PMS1: variants seen among roughly 807,000 people sequenced by gnomAD.
PMS1 encodes PMS1 protein homolog 1.
PMS1 carries 79 observed loss-of-function variants against 93.1 expected under a neutral mutation model. That is an observed-to-expected ratio of 0.85 (90% CI 0.71 to 1.02). PMS1 has a LOEUF of 1.02. Among genes scored for constraint, PMS1 ranks in the 50% least tolerant of loss-of-function variants. The pLI is 0.00. For missense variants in PMS1, 1,064 were observed against 1,085.3 expected, an observed-to-expected ratio of 0.98 and a Z score of 0.28; for synonymous variants, 335 against 363.4, an observed-to-expected ratio of 0.92 and a Z score of 0.89.
intron 5 of PMS1, among the ~76,000 whole-genome samples, chr2:189,839,028 G>T (rs1021340943): frequency 1.3e-5 from 2 of 151,556 alleles, no homozygotes; most frequent in South Asian, 2.1e-4. Flanking sequence ...CTCTCTCTCT[G>T]TTGCCCACAT....
chr2:189,866,141 G>A (rs1282264576), intron 10 of PMS1, among the ~76,000 whole-genome samples: 1 of 152,136 alleles, frequency 6.6e-6, no homozygotes, highest in Non-Finnish European at 1.5e-5. Context: ...ATCTGATGGT[G>A]CTTTTCTCTT....
chr2:189,820,568 G>A (rs1249175908), intron 5 of PMS1, among the ~76,000 whole-genome samples: 10 of 151,934 alleles, frequency 6.6e-5, no homozygotes, highest in Non-Finnish European at 8.8e-5. Context: ...AGCAATACAC[G>A]CTCCCAAAGT....
intron 6 of PMS1, among the ~76,000 whole-genome samples, chr2:189,847,276 G>A (rs2054334642): frequency 6.6e-6 from 1 of 151,750 alleles, no homozygotes; most frequent in African/African-American, 2.4e-5. Context: ...GAATCTGAAG[G>A]GTCATTTCTT....
intron 5 of PMS1, among the ~76,000 whole-genome samples, chr2:189,821,487 G>A (rs2051878521): frequency 6.7e-6 from 1 of 148,168 alleles, no homozygotes; most frequent in Admixed American, 6.8e-5. Context: ...AAAAGTGAGT[G>A]GAAGAGAAAT....
chr2:189,804,468 T>G (rs868833140), intron 3 of PMS1, among the ~76,000 whole-genome samples: 5 of 152,190 alleles, frequency 3.3e-5, no homozygotes, highest in Admixed American at 6.5e-5. Flanking sequence ...GGGGATAGTA[T>G]CACAGTAATA....
Position 189,823,870 on chromosome 2 carries a change from A to G in PMS1, c.582+5690A>G, listed in dbSNP as rs550634383. Among the ~76,000 whole-genome samples, 3 of 152,366 alleles carry G rather than the reference A, an allele frequency of 2.0e-5. No individual in the cohort carries two copies. The East Asian group carries it at 5.8e-4, about 29-fold the overall frequency. ...TTTCCCACATATAAAGTCAGGCTGG[A>G]TAAATTAGTTATTATAACTAAACAC... is the stretch of plus-strand genomic sequence containing the variant. On this transcript the variant is annotated intron_variant, in intron 5 of 12. Transcript: ENST00000441310.
rs2055084884 is a variant in PMS1, at chr2:189,854,232, T to G, written c.967-7T>G. 6.3e-7 allele frequency: 1 copy of G among 1,577,662 alleles called. No homozygotes were observed. Among genetic ancestry groups the G allele is most frequent in the Admixed American group, 1.7e-5 (1 of 58,026 alleles). Reference sequence around the variant, plus strand: ...TTCCCCTAACATTTGTTAATTTGTATTTTTAGGAATCTGTTTTAATTGCTC... The same window carrying G: ...TTCCCCTAACATTTGTTAATTTGTAGTTTTAGGAATCTGTTTTAATTGCTC... On this transcript the variant is annotated splice_polypyrimidine_tract_variant and splice_region_variant and intron_variant, in intron 8 of 12. Coordinates refer to ENST00000441310, the MANE Select transcript of PMS1 (RefSeq NM_000534.5).
At chr2:189,852,561 T>C in intron 6 of PMS1, 94 bp from the exon 7 acceptor site, 1 of 1,108,014 alleles carries the variant, frequency 9.0e-7, no homozygotes, top group Non-Finnish European at 1.4e-6. Flanking sequence ...TGAAAATCTG[T>C]TTTTTAATTT....
At chr2:189,843,101 T>C (rs1408681346) in intron 5 of PMS1, among the ~76,000 whole-genome samples, 2 of 152,052 alleles carry the variant, frequency 1.3e-5, no homozygotes, top group Non-Finnish European at 2.9e-5. Context: ...CACTGCAACC[T>C]CCGCCTCCCC....
At chr2:189,837,183 TA>T (rs1168362439) in intron 5 of PMS1, among the ~76,000 whole-genome samples, 2 of 152,020 alleles carry the variant, frequency 1.3e-5, no homozygotes, top group Non-Finnish European at 2.9e-5. Context: ...TTTTTCTTTT[TA>T]GGGAGGGGGT....
rs2053021392 is a variant in PMS1, at chr2:189,832,331, ACTG to A, written c.583-11630_583-11628del. 2.6e-5 allele frequency among the ~76,000 whole-genome samples: 4 copies of A among 152,184 alleles called. No homozygotes were observed. In the South Asian group the frequency reaches 8.3e-4, roughly 32 times the overall value. On this transcript the variant is annotated intron_variant, in intron 5 of 12. Transcript: ENST00000441310. Reference sequence around the variant, plus strand: ...AAAATAGTAAAGGCTGAAATCAAATACTGCTATGTTGTTACAAAGCAATAGCAG... The same window carrying A: ...AAAATAGTAAAGGCTGAAATCAAATACTATGTTGTTACAAAGCAATAGCAG...
At chr2:189,806,398 AT>A in intron 4 of PMS1, 1 of 313,696 alleles carries the variant, frequency 3.2e-6, no homozygotes. Context: ...TTTTTATTTT[AT>A]TTTATTTTAT....
chr2:189,867,993 T>C (rs1179537712), intron 11 of PMS1, 64 bp downstream of exon 11: 3 of 1,354,730 alleles, frequency 2.2e-6, no homozygotes, highest in Non-Finnish European at 3.2e-6. Flanking sequence ...AGAGTTACAT[T>C]TGGGTTTCAT....
intron 11 of PMS1, among the ~76,000 whole-genome samples, chr2:189,869,774 G>A (rs911214486): frequency 2.0e-5 from 3 of 149,350 alleles, no homozygotes; most frequent in Non-Finnish European, 3.0e-5. Flanking sequence ...CCAAGATCAC[G>A]CCACTGCACT....
At chr2:189,848,342 G>A (rs892420211) in intron 6 of PMS1, among the ~76,000 whole-genome samples, 3 of 152,158 alleles carry the variant, frequency 2.0e-5, no homozygotes, top group African/African-American at 4.8e-5. Flanking sequence ...ATCCCAGATC[G>A]ACTGAATCAG....
intron 4 of PMS1, among the ~76,000 whole-genome samples, chr2:189,813,991 A>G (rs188359090): frequency 6.9e-4 from 105 of 152,324 alleles, no homozygotes; most frequent in Non-Finnish European, 1.2e-3. Context: ...GTCTCTGTGA[A>G]TAGGATCTGG....
intron 5 of PMS1, among the ~76,000 whole-genome samples, chr2:189,826,938 A>G (rs3791779): frequency 0.097 from 14,823 of 152,194 alleles, 856 homozygotes; most frequent in African/African-American, 0.17. Flanking sequence ...ATTTATTAAT[A>G]AAATTCATTC....
Sources: allele counts gnomAD v4.1 joint callset (sites outside exome capture counted in the v4.1 genomes callset), GRCh38; gene constraint gnomAD v4.1.1; transcripts MANE v1.5; gene names NCBI Gene and HGNC (gene_info 2026-07-23, HGNC 2026-07-21).